The following BMP7 variants were observed in gnomAD, a reference collection of about 807,000 sequenced individuals.
BMP7 encodes the protein osteogenic protein 1.
Under a neutral mutation model 41.2 loss-of-function variants are expected in BMP7, and 12 were observed. That is an observed-to-expected ratio of 0.29 (90% CI 0.19 to 0.47). BMP7 has a LOEUF of 0.47. BMP7 is among the 20% of genes least tolerant of loss of function. The pLI is 0.99. For missense variants in BMP7, 467 were observed against 606.0 expected (o/e 0.77, Z 2.41); for synonymous variants, 248 against 250.0 (o/e 0.99, Z 0.07).
At chr20:57,195,683 T>C (rs1212268188) in intron 3 of BMP7, among the ~76,000 whole-genome samples, 1 of 152,248 alleles carries the variant, frequency 6.6e-6, no homozygotes, top group Non-Finnish European at 1.5e-5. Flanking sequence ...CCTGGCTCCT[T>C]CCTCAGCTGC....
chr20:57,245,001 G>A (rs1489513120), intron 1 of BMP7, among the ~76,000 whole-genome samples: 2 of 152,200 alleles, frequency 1.3e-5, no homozygotes, highest in Non-Finnish European at 2.9e-5. Flanking sequence ...GGAAAAGATG[G>A]TTCTGCCTTT....
intron 3 of BMP7, among the ~76,000 whole-genome samples, chr20:57,194,551 G>A (rs1217402129): frequency 6.6e-6 from 1 of 152,148 alleles, no homozygotes; most frequent in East Asian, 1.9e-4. Context: ...CAGACTTGTA[G>A]GGAAAACCAT....
At chr20:57,207,410 C>A (rs1017744346) in intron 2 of BMP7, among the ~76,000 whole-genome samples, 1 of 152,208 alleles carries the variant, frequency 6.6e-6, no homozygotes, top group Non-Finnish European at 1.5e-5. Context: ...GTAGAAGAAC[C>A]ACCCAGCTAA....
At chr20:57,227,732 T>A (rs1348848719) in intron 2 of BMP7, among the ~76,000 whole-genome samples, 3 of 152,194 alleles carry the variant, frequency 2.0e-5, no homozygotes, top group Admixed American at 6.5e-5. Context: ...TCTCGATAAA[T>A]TAAAGACTTT....
At chr20:57,265,031 CA>C (rs34234487) in intron 1 of BMP7, among the ~76,000 whole-genome samples, 2 of 74,520 alleles carry the variant, frequency 2.7e-5, no homozygotes, top group Non-Finnish European at 6.0e-5. Context: ...AACTCCGTCT[CA>C]AAAAAAAAAA....
Position 57,265,877 on chromosome 20 carries a change from G to C in BMP7, c.246C>G (p.Phe82Leu). Residue 82 changes from phenylalanine to leucine, a missense_variant, in exon 1 of 7, where the codon TTC becomes TTG. Transcript: ENST00000395863. ...CCATGGCGTTGTACAGGTCCAGCATGAACATGGGTGCCGAGTTGTGCTTGC... is the reference window on the plus strand; with the variant it reads ...CCATGGCGTTGTACAGGTCCAGCATCAACATGGGTGCCGAGTTGTGCTTGC... ...LQGKHNSAPM[F>L]MLDLYNAMAV... 6.2e-7 allele frequency: 1 copy of C among 1,603,518 alleles called. No homozygotes were observed. The highest frequency in any genetic ancestry group is 8.5e-7 in the Non-Finnish European group (1 of 1,175,304).
intron 3 of BMP7, among the ~76,000 whole-genome samples, chr20:57,193,010 C>A (rs1265179983): frequency 1.3e-5 from 2 of 152,110 alleles, no homozygotes; most frequent in East Asian, 3.9e-4. Context: ...GCCTACCTGA[C>A]AGGCAGGTAG....
chr20:57,225,828 A>T (rs1268664711), intron 2 of BMP7: 1 of 470,700 alleles, frequency 2.1e-6, no homozygotes, highest in Admixed American at 2.4e-5. Context: ...TTCTCACCCT[A>T]TTCCCTTCCT....
intron 3 of BMP7, among the ~76,000 whole-genome samples, chr20:57,192,153 G>C (rs6070023): frequency 0.54 from 64,950 of 119,940 alleles, 17,696 homozygotes; most frequent in South Asian, 0.62. Flanking sequence ...ATAATATATA[G>C]TTATACATAG....
intron 2 of BMP7, among the ~76,000 whole-genome samples, chr20:57,209,855 C>T (rs1984838958): frequency 6.6e-6 from 1 of 152,146 alleles, no homozygotes; most frequent in South Asian, 2.1e-4. Context: ...AGTAAGCATG[C>T]CCTATTTCTG....
chr20:57,181,654 T>A (rs1984083409), intron 4 of BMP7, among the ~76,000 whole-genome samples: 3 of 152,222 alleles, frequency 2.0e-5, no homozygotes, highest in African/African-American at 7.2e-5. Context: ...ACACCAGTCT[T>A]AGCAGGTAAA....
chr20:57,265,664 C>A (rs770533058), intron 1 of BMP7, 41 bp downstream of exon 1: 1 of 1,568,718 alleles, frequency 6.4e-7, no homozygotes, highest in South Asian at 1.2e-5. Flanking sequence ...TCTCAAAGTG[C>A]CCCCGAAAGG....
chr20:57,171,928 C>G lies in BMP7; in HGVS notation c.1147-820G>C, dbSNP rs1983824355. Among the ~76,000 whole-genome samples, 1 of 152,244 alleles carries G rather than the reference C, an allele frequency of 6.6e-6. No homozygotes were observed. Among genetic ancestry groups the G allele is most frequent in the Non-Finnish European group, 1.5e-5 (1 of 68,046 alleles). Reference sequence around the variant, plus strand: ...TGATTTTAAAGCAAATTCCAGCCATCAGCTCATTTCCTCTGGAAGCATTTC... The same window carrying G: ...TGATTTTAAAGCAAATTCCAGCCATGAGCTCATTTCCTCTGGAAGCATTTC... On this transcript the variant is annotated intron_variant, in intron 6 of 6. Coordinates refer to ENST00000395863, the MANE Select transcript of BMP7 (RefSeq NM_001719.3). This position sits in a 1 kb window ranked among gnomAD's most constrained non-coding sequence, Gnocchi z 4.5.
chr20:57,216,645 G>C (rs537318425), intron 2 of BMP7, among the ~76,000 whole-genome samples: 2 of 151,276 alleles, frequency 1.3e-5, no homozygotes, highest in Non-Finnish European at 3.0e-5. Context: ...AGGGGGCTGG[G>C]GAATTCTCCA....
At chr20:57,237,075 T>C (rs2123125493) in intron 1 of BMP7, among the ~76,000 whole-genome samples, 1 of 152,342 alleles carries the variant, frequency 6.6e-6, no homozygotes, top group South Asian at 2.1e-4. Flanking sequence ...AGGGATGCTT[T>C]CCAGGCAAAA....
At chr20:57,189,590 G>A (rs577088576) in intron 3 of BMP7, among the ~76,000 whole-genome samples, 40 of 152,226 alleles carry the variant, frequency 2.6e-4, no homozygotes, top group Non-Finnish European at 5.4e-4. Flanking sequence ...TGCCCTTTAC[G>A]TAATATATTG....
chr20:57,226,193 T>C (rs2066005433), intron 2 of BMP7, among the ~76,000 whole-genome samples: 1 of 152,160 alleles, frequency 6.6e-6, no homozygotes, highest in African/African-American at 2.4e-5. Flanking sequence ...CCACAGACCA[T>C]GATGGGACCA....
At chr20:57,205,488 G>C (rs7270912) in intron 2 of BMP7, among the ~76,000 whole-genome samples, 1 of 152,134 alleles carries the variant, frequency 6.6e-6, no homozygotes. Flanking sequence ...AACCATTAGC[G>C]ATTCTCAACA....
chr20:57,256,087 G>A (rs764636087), intron 1 of BMP7, among the ~76,000 whole-genome samples: 1 of 152,184 alleles, frequency 6.6e-6, no homozygotes, highest in Non-Finnish European at 1.5e-5. Context: ...TGTTATTGTT[G>A]TTGAACCAAT....
Sources: allele counts gnomAD v4.1 joint callset (sites outside exome capture counted in the v4.1 genomes callset), GRCh38; gene constraint gnomAD v4.1.1; non-coding constraint Gnocchi (gnomAD v3.1); transcripts MANE v1.5; gene names NCBI Gene and HGNC (gene_info 2026-07-23, HGNC 2026-07-21).